The following GRIK3 variants were observed in gnomAD, a reference collection of about 807,000 sequenced individuals.
GRIK3 encodes glutamate receptor ionotropic, kainate 3.
A neutral mutation model predicts 102.5 loss-of-function variants in GRIK3; 29 were observed. The observed-to-expected ratio is 0.28, with a 90% CI of 0.21 to 0.39. The LOEUF is 0.39. Among genes scored for constraint, GRIK3 ranks in the 10% least tolerant of loss-of-function variants. GRIK3 has a pLI of 1.00. For synonymous variants in GRIK3, 511 were observed against 504.9 expected (o/e 1.01, Z -0.16); for missense variants, 908 against 1,252.4 (o/e 0.73, Z 4.15).
intron 1 of GRIK3, among the ~76,000 whole-genome samples, chr1:36,960,293 C>G (rs896267208): frequency 2.7e-5 from 4 of 149,898 alleles, no homozygotes; most frequent in Non-Finnish European, 5.9e-5. Flanking sequence ...ACCCATGAGC[C>G]TGTGTACCCC....
chr1:37,029,957 GC>G (rs1456421512), intron 1 of GRIK3, among the ~76,000 whole-genome samples: 1 of 152,232 alleles, frequency 6.6e-6, no homozygotes, highest in Non-Finnish European at 1.5e-5. Context: ...AGGGTGCCTG[GC>G]TCACCTTGCA....
intron 1 of GRIK3, among the ~76,000 whole-genome samples, chr1:36,957,796 TGTGCCC>T (rs1641939263): frequency 6.7e-6 from 1 of 148,276 alleles, no homozygotes; most frequent in Admixed American, 6.7e-5. Flanking sequence ...CCCGTGACTC[TGTGCCC>T]AATGAACCTA....
chr1:36,819,982 G>T lies in GRIK3; in HGVS notation c.1755-128C>A. 1 of 615,774 alleles carries T rather than the reference G, an allele frequency of 1.6e-6. No homozygotes were observed. The highest frequency in any genetic ancestry group is 3.0e-6 in the Non-Finnish European group (1 of 334,604). 38.1% of individuals were successfully genotyped at this position (615,774 alleles called of 1,614,324 possible). A position where few individuals can be genotyped will look rare whatever the true frequency, so the allele number is the denominator to read the frequency against. On this transcript the variant is annotated intron_variant, in intron 11 of 15. Coordinates refer to ENST00000373091, the MANE Select transcript of GRIK3 (RefSeq NM_000831.4). The surrounding 1 kb of genome is among the most constrained non-coding windows in gnomAD (Gnocchi z 4.1). ...CAATATCCTCATGGTTCTGCTGGGA[G>T]GCAGGGCAGGGGAATTTCTTCTTGT...
chr1:36,870,577 A>C (rs1640832299), intron 4 of GRIK3, among the ~76,000 whole-genome samples: 1 of 152,164 alleles, frequency 6.6e-6, no homozygotes, highest in African/African-American at 2.4e-5. Context: ...GTCACAGCCC[A>C]CCTCAGCACG....
intron 1 of GRIK3, among the ~76,000 whole-genome samples, chr1:36,980,569 C>A (rs542252976): frequency 6.6e-6 from 1 of 152,054 alleles, no homozygotes; most frequent in African/African-American, 2.4e-5. Context: ...GGGACCGCCC[C>A]CCACCCCACA....
At position 36,819,883 on chromosome 1, in the gene GRIK3, C is replaced by T. The variant is rs376391596; in HGVS notation, c.1755-29G>A. ...CCACAGGAGGAGAGGGACAGTCAGCCTGGGAAGCAAGGGGCATCCACGCCC... is the reference window on the plus strand; with the variant it reads ...CCACAGGAGGAGAGGGACAGTCAGCTTGGGAAGCAAGGGGCATCCACGCCC... On this transcript the variant is annotated intron_variant, in intron 11 of 15. Coordinates refer to ENST00000373091, the MANE Select transcript of GRIK3 (RefSeq NM_000831.4). The surrounding 1 kb of genome is among the most constrained non-coding windows in gnomAD (Gnocchi z 4.1). 2.5e-5 allele frequency: 31 copies of T among 1,261,934 alleles called. No homozygotes were observed. Among genetic ancestry groups the T allele is most frequent in the Non-Finnish European group, 3.3e-5 (29 of 873,542 alleles). 78.2% of individuals were successfully genotyped at this position (1,261,934 alleles called of 1,614,324 possible). A position where few individuals can be genotyped will look rare whatever the true frequency, so the allele number is the denominator to read the frequency against.
chr1:36,973,092 A>C (rs1031917274), intron 1 of GRIK3, among the ~76,000 whole-genome samples: 1 of 152,168 alleles, frequency 6.6e-6, no homozygotes, highest in Admixed American at 6.5e-5. Context: ...ACAGAGGAAA[A>C]GCAAATCTCC....
chr1:36,870,132 A>G (rs1174296937), intron 4 of GRIK3, among the ~76,000 whole-genome samples: 1 of 152,116 alleles, frequency 6.6e-6, no homozygotes, highest in East Asian at 1.9e-4. Flanking sequence ...ACACTTAGAG[A>G]AATGCTGATG....
chr1:36,874,991 C>T (rs1239235059), intron 3 of GRIK3, among the ~76,000 whole-genome samples: 1 of 152,250 alleles, frequency 6.6e-6, no homozygotes, highest in East Asian at 1.9e-4. Flanking sequence ...ATCAATCTCT[C>T]TTAAAATATC....
intron 1 of GRIK3, among the ~76,000 whole-genome samples, chr1:37,016,722 A>G (rs1444801108): frequency 1.3e-5 from 2 of 152,222 alleles, no homozygotes; most frequent in East Asian, 3.9e-4. Flanking sequence ...GCATATGTGA[A>G]TGTGGGAAGA....
intron 1 of GRIK3, among the ~76,000 whole-genome samples, chr1:37,033,142 T>C (rs749082411): frequency 1.1e-4 from 16 of 152,274 alleles, no homozygotes; most frequent in Non-Finnish European, 4.4e-5. Flanking sequence ...CAGGGTGCCT[T>C]GGGCGGCCAC....
At position 36,798,861 on chromosome 1, in the gene GRIK3, A is replaced by C. The variant is rs1327568313; in HGVS notation, c.*2990T>G. ...TCGGTACATTTTGGGGGGTTTCTCG[A>C]ATTGAATTCTGCCTCTATTTATCCA... is the stretch of plus-strand genomic sequence containing the variant. On this transcript the variant is annotated 3_prime_UTR_variant, in exon 16 of 16. Transcript: ENST00000373091. 2 of 152,210 alleles carry C rather than the reference A, an allele frequency of 1.3e-5. No homozygotes were observed. Among genetic ancestry groups the C allele is most frequent in the African/African-American group, 4.8e-5 (2 of 41,452 alleles). 9.4% of individuals were successfully genotyped at this position (152,210 alleles called of 1,614,324 possible).
intron 1 of GRIK3, among the ~76,000 whole-genome samples, chr1:36,957,128 C>A (rs974150784): frequency 6.6e-6 from 1 of 152,252 alleles, no homozygotes; most frequent in African/African-American, 2.4e-5. Flanking sequence ...GAGTCCTGAA[C>A]CCTCATCAGA....
chr1:36,891,225 T>C, intron 1 of GRIK3, 129 bp from the exon 2 acceptor site: 1 of 640,608 alleles, frequency 1.6e-6, no homozygotes, highest in South Asian at 2.6e-5. Context: ...CCTAGGTAAC[T>C]GCCATACCTA....
Position 36,862,883 on chromosome 1 carries a change from C to T in GRIK3, c.787-2866G>A, listed in dbSNP as rs558587215. On this transcript the variant is annotated intron_variant, in intron 5 of 15. Coordinates refer to ENST00000373091, the MANE Select transcript of GRIK3 (RefSeq NM_000831.4). ...TGTTTGACACATGTTTATGTTCTGCCTCGTCTGGCAGGAGGTTGTGACAGC... is the reference window on the plus strand; with the variant it reads ...TGTTTGACACATGTTTATGTTCTGCTTCGTCTGGCAGGAGGTTGTGACAGC... 2.0e-5 allele frequency among the ~76,000 whole-genome samples: 3 copies of T among 152,280 alleles called. No homozygotes were observed. The South Asian group carries it at 6.2e-4, about 32-fold the overall frequency.
At chr1:36,854,176 A>G (rs1384902799) in intron 7 of GRIK3, among the ~76,000 whole-genome samples, 1 of 151,786 alleles carries the variant, frequency 6.6e-6, no homozygotes, top group Non-Finnish European at 1.5e-5. Context: ...TCACCCCCCA[A>G]CCTCCCAGCT....
intron 1 of GRIK3, among the ~76,000 whole-genome samples, chr1:36,962,639 G>A (rs1342910147): frequency 2.3e-5 from 3 of 129,014 alleles, no homozygotes; most frequent in Non-Finnish European, 3.3e-5. Context: ...AGAGGGAGAG[G>A]AAGAGAGAGA....
intron 1 of GRIK3, among the ~76,000 whole-genome samples, chr1:36,973,401 C>T (rs1642163857): frequency 6.7e-6 from 1 of 149,350 alleles, no homozygotes. Flanking sequence ...TCAGCTTAGA[C>T]ATCACTTCTT....
At chr1:36,916,220 A>G (rs1641398844) in intron 1 of GRIK3, among the ~76,000 whole-genome samples, 1 of 152,168 alleles carries the variant, frequency 6.6e-6, no homozygotes, top group Non-Finnish European at 1.5e-5. Flanking sequence ...GAGATGATTT[A>G]GTGTATCTGG....
Sources: allele counts gnomAD v4.1 joint callset (sites outside exome capture counted in the v4.1 genomes callset), GRCh38; gene constraint gnomAD v4.1.1; non-coding constraint Gnocchi (gnomAD v3.1); transcripts MANE v1.5; gene names NCBI Gene and HGNC (gene_info 2026-07-23, HGNC 2026-07-21).